The following PHKA1 variants were observed in gnomAD, a reference collection of about 807,000 sequenced individuals.
PHKA1 encodes the protein phosphorylase b kinase regulatory subunit alpha, skeletal muscle isoform.
A neutral mutation model predicts 110.2 loss-of-function variants in PHKA1; 60 were observed. The ratio of observed to expected loss-of-function variants is 0.54; its 90% CI spans 0.44 to 0.68. The LOEUF (loss-of-function observed/expected upper bound fraction) is 0.68, where lower values mean the gene tolerates loss of function less well. PHKA1 is among the 30% of genes least tolerant of loss of function. PHKA1 has a pLI of 0.00. For missense variants in PHKA1, 801 were observed against 942.5 expected (o/e 0.85, Z 1.97); for synonymous variants, 316 against 333.6 (o/e 0.95, Z 0.58).
At chrX:72,670,356 C>T (rs1456692572) in intron 6 of PHKA1, among the ~76,000 whole-genome samples, 1 of 111,664 alleles carries the variant, frequency 9.0e-6, no homozygotes, top group Admixed American at 9.5e-5. Flanking sequence ...GTTTCTTTTG[C>T]TGTACAGAAG....
chrX:72,597,248 A>G (rs1556235347), intron 28 of PHKA1, among the ~76,000 whole-genome samples: 1 of 112,458 alleles, frequency 8.9e-6, no homozygotes, highest in Non-Finnish European at 1.9e-5. Flanking sequence ...CCCAGAACTA[A>G]TAACAGTGGC....
intron 29 of PHKA1, among the ~76,000 whole-genome samples, chrX:72,589,146 A>G (rs1556220357): frequency 2.7e-5 from 3 of 111,942 alleles, no homozygotes; most frequent in Non-Finnish European, 5.6e-5. Context: ...TTAGACCAAT[A>G]TCCCTGATGA....
At chrX:72,713,338 T>C (rs1404015808) in intron 1 of PHKA1, among the ~76,000 whole-genome samples, 4 of 111,302 alleles carry the variant, frequency 3.6e-5, no homozygotes, top group African/African-American at 6.5e-5. Context: ...GTCACCATGC[T>C]GCTGTACATC....
chrX:72,626,106 A>G (rs1395733093), intron 17 of PHKA1, among the ~76,000 whole-genome samples: 1 of 109,589 alleles, frequency 9.1e-6, no homozygotes, highest in Non-Finnish European at 1.9e-5. Flanking sequence ...AACACATAGT[A>G]TATGTAGTAT....
chrX:72,713,680 A>ACACC, intron 1 of PHKA1, 123 bp downstream of exon 1: 1 of 556,703 alleles, frequency 1.8e-6, no homozygotes, highest in Non-Finnish European at 3.1e-6. Flanking sequence ...TCACACACAC[A>ACACC]CACACACACA....
At chrX:72,658,027 A>G (rs2053516754) in intron 8 of PHKA1, among the ~76,000 whole-genome samples, 1 of 112,259 alleles carries the variant, frequency 8.9e-6, no homozygotes, top group Non-Finnish European at 1.9e-5. Context: ...AAAAAAACAC[A>G]TATTTTTTAC....
chrX:72,618,700 C>T lies in PHKA1; in HGVS notation c.2369+10G>A. On this transcript the variant is annotated intron_variant, in intron 21 of 31. Coordinates refer to ENST00000373542, the MANE Select transcript of PHKA1 (RefSeq NM_002637.4). The stretch of plus-strand genomic sequence containing the variant: ...AACATTAAACTAGATTGATAATATC[C>T]ACCACTTACTTCATAGTATACAGCA... 1.7e-6 allele frequency: 2 copies of T among 1,170,881 alleles called. No homozygotes were observed. The highest frequency in any genetic ancestry group is 2.3e-6 in the Non-Finnish European group (2 of 859,038).
chrX:72,674,587 T>C (rs2053753162), intron 6 of PHKA1, among the ~76,000 whole-genome samples: 1 of 112,087 alleles, frequency 8.9e-6, no homozygotes, highest in African/African-American at 3.2e-5. Context: ...ATGTGTCTTT[T>C]GGATGCATAA....
At chrX:72,653,615 C>G (rs969161560) in intron 10 of PHKA1, 85 bp from the exon 11 acceptor site, 10 of 603,110 alleles carry the variant, frequency 1.7e-5, no homozygotes, top group Non-Finnish European at 2.8e-5. Flanking sequence ...AAAGAAGGTC[C>G]TATTGCAAAG....
chrX:72,621,901 A>G lies in PHKA1; in HGVS notation c.1961-1000T>C, dbSNP rs1308186704. On this transcript the variant is annotated intron_variant, in intron 18 of 31. Coordinates refer to ENST00000373542, the MANE Select transcript of PHKA1 (RefSeq NM_002637.4). ...CCCGGAACTAGGAAAGTGACTCAGAATGCCATAATGTCAAATTCAGTAACA... is the reference window on the plus strand; with the variant it reads ...CCCGGAACTAGGAAAGTGACTCAGAGTGCCATAATGTCAAATTCAGTAACA... The G allele has an allele frequency of 6.7e-6, 5 of 750,700 alleles. No individual in the cohort carries two copies. The African/African-American group carries it at 1.2e-4, about 17-fold the overall frequency. The allele number at this position is 750,700 out of a possible 1,213,427, so 61.9% of individuals were successfully genotyped here.
Position 72,650,484 on chromosome X carries a change from A to G in PHKA1, c.1246-16T>C. On this transcript the variant is annotated splice_polypyrimidine_tract_variant and intron_variant, in intron 12 of 31. Coordinates refer to ENST00000373542, the MANE Select transcript of PHKA1 (RefSeq NM_002637.4). ...CTAAAAATCCCTAAAGAAAAACCAT[A>G]AAAAGACAGATTATTAAGTCTCAAA... The G allele has an allele frequency of 8.7e-7, 1 of 1,153,174 alleles. No individual in the cohort carries two copies. The highest frequency in any genetic ancestry group is 1.2e-6 in the Non-Finnish European group (1 of 843,664).
At position 72,644,572 on chromosome X, in the gene PHKA1, A is replaced by C. The variant is rs782254479; in HGVS notation, c.1325-76T>G. The C allele has an allele frequency of 2.1e-5, 20 of 947,281 alleles. No homozygotes were observed. The African/African-American group carries it at 2.3e-4, about 11-fold the overall frequency. The allele number at this position is 947,281 out of a possible 1,213,427, so 78.1% of individuals were successfully genotyped here. A position where few individuals can be genotyped will look rare whatever the true frequency, so the allele number is the denominator to read the frequency against. On this transcript the variant is annotated intron_variant, in intron 13 of 31. Transcript: ENST00000373542. ...AACTTAACAATCTCTCAAGTTATAT[A>C]ATTTCTTTTAAAGAGAAAAAAAGGA...
intron 14 of PHKA1, 94 bp from the exon 15 acceptor site, chrX:72,636,480 AATGT>A (rs2053232065): frequency 1.5e-5 from 8 of 531,561 alleles, no homozygotes; most frequent in Middle Eastern, 4.1e-4. Flanking sequence ...ACACATACAC[AATGT>A]ATGTATATAC....
Position 72,581,144 on chromosome X carries a change from G to T in PHKA1, c.3530C>A (p.Ala1177Glu). ...ACAGATGCCAGATGCGGGATCCTTTGCCAACATGGTATCATCTGCGCCAAG... is the reference window on the plus strand; with the variant it reads ...ACAGATGCCAGATGCGGGATCCTTTTCCAACATGGTATCATCTGCGCCAAG... ...KTLGADDTML[A>E]KDPASGICTL... The change falls in exon 32 of 32, where the codon GCA becomes GAA. Residue 1177 changes from alanine (A) to glutamate (E), a missense_variant. Physicochemically the swap from Ala to Glu is moderately radical, Grantham distance 107. Coordinates refer to ENST00000373542, the MANE Select transcript of PHKA1 (RefSeq NM_002637.4). 8.3e-7 allele frequency: 1 copy of T among 1,198,050 alleles called. No individual in the cohort carries two copies. Among genetic ancestry groups the T allele is most frequent in the South Asian group, 1.8e-5 (1 of 56,611 alleles).
intron 3 of PHKA1, among the ~76,000 whole-genome samples, chrX:72,698,478 GTTTTA>G (rs782182108): frequency 3.6e-5 from 4 of 112,204 alleles, no homozygotes; most frequent in African/African-American, 9.7e-5. Context: ...ACATTCTTTT[GTTTTA>G]CATTTATGAA....
intron 17 of PHKA1, 73 bp downstream of exon 17, chrX:72,626,898 C>T: frequency 1.3e-6 from 1 of 797,614 alleles, no homozygotes; most frequent in African/African-American, 2.0e-5. Context: ...AAAGGCATCA[C>T]AGGTATGCCA....
At chrX:72,616,520 C>A (rs2052899991) in intron 21 of PHKA1, among the ~76,000 whole-genome samples, 2 of 111,401 alleles carry the variant, frequency 1.8e-5, no homozygotes, top group Admixed American at 9.5e-5. Flanking sequence ...TATTAACATA[C>A]CTAAAGGAAG....
chrX:72,666,297 A>G lies in PHKA1; in HGVS notation c.718T>C (p.Ser240Pro). The change falls in exon 8 of 32, where the codon TCT becomes CCT. Residue 240 changes from serine to proline, a missense_variant and splice_region_variant. Ser to Pro is a moderately conservative substitution (Grantham distance 74). Coordinates refer to ENST00000373542, the MANE Select transcript of PHKA1 (RefSeq NM_002637.4). ...CGGGGCAGTAGTGAATTTAGGATAG[A>G]CTAAGAGAAAAGAAGTTAAGTTTAT... ...VLADEVQHCQ[S>P]ILNSLLPRAS... The G allele has an allele frequency of 8.3e-7, 1 of 1,206,008 alleles. No individual in the cohort carries two copies. Among genetic ancestry groups the G allele is most frequent in the Non-Finnish European group, 1.1e-6 (1 of 890,438 alleles).
At chrX:72,609,088 A>G (rs1158828170) in intron 23 of PHKA1, among the ~76,000 whole-genome samples, 1 of 112,214 alleles carries the variant, frequency 8.9e-6, no homozygotes, top group Admixed American at 9.4e-5. Context: ...CAGCCCCATC[A>G]CTTGACTTAC....
Sources: gnomAD v4.1 joint callset for allele counts (sites outside exome capture counted in the v4.1 genomes callset) on GRCh38, gnomAD v4.1.1 for gene constraint, MANE v1.5 for transcripts, NCBI Gene and HGNC (gene_info 2026-07-23, HGNC 2026-07-21) for gene names.